The following MELK variants were observed in gnomAD, a reference collection of about 807,000 sequenced individuals.
MELK encodes maternal embryonic leucine zipper kinase.
In MELK, 81 loss-of-function variants were observed where a neutral mutation model predicts 85.0. That is an observed-to-expected ratio of 0.95 (90% CI 0.80 to 1.15). MELK has a LOEUF of 1.15. MELK is among the 50% of genes most tolerant of loss of function. The pLI, the probability that MELK is intolerant of heterozygous loss-of-function variation, is 0.00. For missense variants in MELK, 754 were observed against 777.5 expected, an observed-to-expected ratio of 0.97 and a Z score of 0.36; for synonymous variants, 252 against 265.0, an observed-to-expected ratio of 0.95 and a Z score of 0.48.
intron 10 of MELK, among the ~76,000 whole-genome samples, chr9:36,636,782 T>TTCTTTCTA (rs71494635): frequency 2.8e-5 from 3 of 107,622 alleles, no homozygotes; most frequent in African/African-American, 4.1e-5. Context: ...CTTTCTTTCT[T>TTCTTTCTA]TCTGTCTGTC....
chr9:36,651,972 C>G, intron 12 of MELK, 95 bp downstream of exon 12: 1 of 1,178,620 alleles, frequency 8.5e-7, no homozygotes, highest in Non-Finnish European at 1.1e-6. Flanking sequence ...GTCAAGGAGT[C>G]AGAGGCAAGA....
intron 15 of MELK, 103 bp downstream of exon 15, chr9:36,669,509 C>A: frequency 1.2e-6 from 1 of 815,920 alleles, no homozygotes; most frequent in Non-Finnish European, 1.9e-6. Context: ...CACATAGATT[C>A]TGTTGGAGAG....
chr9:36,573,710 T>A (rs1002998298), intron 1 of MELK, among the ~76,000 whole-genome samples: 3 of 152,118 alleles, frequency 2.0e-5, no homozygotes, highest in African/African-American at 7.2e-5. Flanking sequence ...TTTCACCACG[T>A]TGGCCAGGCT....
At chr9:36,650,240 G>A (rs1352039741) in intron 11 of MELK, among the ~76,000 whole-genome samples, 2 of 145,004 alleles carry the variant, frequency 1.4e-5, no homozygotes, top group African/African-American at 2.5e-5. Flanking sequence ...ACCGCACCCG[G>A]CCTCTATTTT....
At chr9:36,576,475 G>A (rs1383251075) in intron 1 of MELK, among the ~76,000 whole-genome samples, 1 of 152,062 alleles carries the variant, frequency 6.6e-6, no homozygotes, top group East Asian at 1.9e-4. Flanking sequence ...TTTTTCTTGA[G>A]TGTCGATATT....
At chr9:36,603,829 A>G (rs1449450643) in intron 7 of MELK, among the ~76,000 whole-genome samples, 5 of 152,170 alleles carry the variant, frequency 3.3e-5, no homozygotes, top group Non-Finnish European at 7.3e-5. Context: ...AGGTACTTTC[A>G]GTTAACTGAA....
rs779162176 is a variant in MELK, at chr9:36,677,311, G to T, written c.1930G>T (p.Asp644Tyr). 6.2e-7 allele frequency: 1 copy of T among 1,613,474 alleles called. No homozygotes were observed. Among genetic ancestry groups the T allele is most frequent in the East Asian group, 2.2e-5 (1 of 44,876 alleles). The change falls in exon 18 of 18, where the codon GAC becomes TAC. Residue 644 changes from aspartate (D) to tyrosine (Y), a missense_variant. Physicochemically the swap from Asp to Tyr is radical, Grantham distance 160 (BLOSUM62 -3). Transcript: ENST00000298048. ...DAWVYKRLVE[D>Y]ILSSCKV ...CTGGGTTTACAAAAGATTAGTGGAA[G>T]ACATCCTATCTAGCTGCAAGGTATA...
At chr9:36,664,913 A>G (rs1182368548) in intron 13 of MELK, among the ~76,000 whole-genome samples, 1 of 152,232 alleles carries the variant, frequency 6.6e-6, no homozygotes, top group Non-Finnish European at 1.5e-5. Flanking sequence ...TGCAAGCTCA[A>G]CCATAAATTT....
intron 8 of MELK, among the ~76,000 whole-genome samples, chr9:36,621,113 A>C (rs1827364325): frequency 1.3e-5 from 2 of 151,292 alleles, no homozygotes; most frequent in African/African-American, 4.8e-5. Flanking sequence ...TACTAAAAAT[A>C]CAAAAAAATT....
At chr9:36,605,239 C>T (rs190401102) in intron 7 of MELK, among the ~76,000 whole-genome samples, 7 of 151,342 alleles carry the variant, frequency 4.6e-5, no homozygotes, top group African/African-American at 4.9e-5. Context: ...GATGGAGTCT[C>T]GCTCTGTTGC....
intron 8 of MELK, among the ~76,000 whole-genome samples, chr9:36,612,159 G>A (rs955905485): frequency 1.3e-5 from 2 of 149,794 alleles, no homozygotes; most frequent in African/African-American, 4.9e-5. Flanking sequence ...GCAATGGCGC[G>A]ATCTTAGCTC....
intron 7 of MELK, among the ~76,000 whole-genome samples, chr9:36,603,173 A>G (rs1302927644): frequency 1.3e-5 from 2 of 152,234 alleles, no homozygotes; most frequent in South Asian, 4.2e-4. Context: ...CAGAGTGTCT[A>G]AAGGATAGTG....
At chr9:36,578,019 C>G (rs549078495) in intron 1 of MELK, among the ~76,000 whole-genome samples, 1 of 152,258 alleles carries the variant, frequency 6.6e-6, no homozygotes, top group South Asian at 2.1e-4. Context: ...CTCCAGGCCT[C>G]AAGCAATCCT....
intron 3 of MELK, among the ~76,000 whole-genome samples, chr9:36,584,998 G>C (rs1822728422): frequency 1.3e-5 from 2 of 151,960 alleles, no homozygotes; most frequent in South Asian, 4.2e-4. Flanking sequence ...GGTATGTAGG[G>C]GTGAGCCACT....
intron 11 of MELK, among the ~76,000 whole-genome samples, chr9:36,647,584 G>A (rs1830336266): frequency 6.6e-6 from 1 of 151,890 alleles, no homozygotes; most frequent in East Asian, 1.9e-4. Context: ...CGCCTCCCGA[G>A]TTCAAGCAAT....
chr9:36,626,977 A>G (rs934914652), intron 8 of MELK, among the ~76,000 whole-genome samples: 2 of 151,340 alleles, frequency 1.3e-5, no homozygotes, highest in African/African-American at 4.9e-5. Context: ...AAAAAAAAAA[A>G]AAAAGAAAAG....
In MELK at chr9:36,665,537, G is replaced by A; in HGVS notation, c.1364G>A (p.Arg455Lys). ...CCAGTTAATAAGAACCAGCATAAGAGAGAAATACTCACTACGCCAAATCGT... is the reference window on the plus strand; with the variant it reads ...CCAGTTAATAAGAACCAGCATAAGAAAGAAATACTCACTACGCCAAATCGT... ...KTPVNKNQHKREILTTPNRYT... is the reference protein window; with the variant it reads ...KTPVNKNQHKKEILTTPNRYT... The change falls in exon 14 of 18, where the codon AGA (arginine) becomes AAA (lysine). Residue 455 changes from arginine (R) to lysine (K), a missense_variant. Coordinates refer to ENST00000298048, the MANE Select transcript of MELK (RefSeq NM_014791.4). The A allele has an allele frequency of 6.2e-7, 1 of 1,613,868 alleles. No individual in the cohort carries two copies. Among genetic ancestry groups the A allele is most frequent in the African/African-American group, 1.3e-5 (1 of 75,030 alleles).
chr9:36,654,960 A>G (rs951009182), intron 12 of MELK, among the ~76,000 whole-genome samples: 3 of 152,152 alleles, frequency 2.0e-5, no homozygotes, highest in African/African-American at 7.2e-5. Context: ...CCTTGATAGA[A>G]TTATCCCTTT....
intron 11 of MELK, among the ~76,000 whole-genome samples, chr9:36,650,101 G>A (rs1190841857): frequency 2.0e-5 from 3 of 151,736 alleles, no homozygotes; most frequent in African/African-American, 4.8e-5. Flanking sequence ...CCACTACCAC[G>A]CCCGGCTAAT....
Sources: allele counts gnomAD v4.1 joint callset (sites outside exome capture counted in the v4.1 genomes callset), GRCh38; gene constraint gnomAD v4.1.1; transcripts MANE v1.5; gene names NCBI Gene and HGNC (gene_info 2026-07-23, HGNC 2026-07-21).